The following APBB2 variants were observed in gnomAD, a reference collection of about 807,000 sequenced individuals.
APBB2 encodes amyloid beta precursor protein binding family B member 2.
A neutral mutation model predicts 82.5 loss-of-function variants in APBB2; 38 were observed. The observed-to-expected ratio is 0.46, with a 90% CI of 0.36 to 0.60. The LOEUF is 0.60. Ranked by LOEUF, APBB2 falls within the 20% of genes least tolerant of loss-of-function variation. APBB2 has a pLI of 0.00. For missense variants in APBB2, 772 were observed against 972.3 expected, an observed-to-expected ratio of 0.79 and a Z score of 2.74; for synonymous variants, 341 against 368.2, an observed-to-expected ratio of 0.93 and a Z score of 0.85.
intron 3 of APBB2, among the ~76,000 whole-genome samples, 195 bp downstream of exon 3, chr4:41,100,444 T>C (rs1323990840): frequency 1.3e-5 from 2 of 150,370 alleles, no homozygotes; most frequent in African/African-American, 4.9e-5. Context: ...ATGTAGAACA[T>C]CATCTTAATC....
chr4:41,026,487 G>C lies in APBB2; in HGVS notation c.19+6749C>G, dbSNP rs7655575. Among the ~76,000 whole-genome samples, 1,264 of 152,194 alleles carry C rather than the reference G, an allele frequency of 8.3e-3. 20 individuals carry two copies. The highest frequency in any genetic ancestry group is 0.028 in the African/African-American group (1,146 of 41,510). On this transcript the variant is annotated intron_variant, in intron 5 of 17. Coordinates refer to ENST00000508593, the MANE Select transcript of APBB2 (RefSeq NM_004307.2). ...AAATGAAATCCTGTACCCATTAACA[G>C]TCACGACCCATTCGTCCCTCCCTCC...
intron 12 of APBB2, among the ~76,000 whole-genome samples, chr4:40,879,189 G>GGCTCAGGCCTGTAATC (rs1421732696): frequency 8.5e-6 from 1 of 118,116 alleles, no homozygotes; most frequent in Non-Finnish European, 2.1e-5. Context: ...AGAGCAGTGT[G>GGCTCAGGCCTGTAATC]CAGGAGGAGA....
chr4:41,156,006 TAAC>T (rs10586522), intron 1 of APBB2, among the ~76,000 whole-genome samples: 37,907 of 151,798 alleles, frequency 0.25, 5,124 homozygotes, highest in African/African-American at 0.36. Flanking sequence ...ACAAGTATTA[TAAC>T]AACATTTGTT....
At chr4:41,141,316 G>T (rs1759088118) in intron 2 of APBB2, among the ~76,000 whole-genome samples, 1 of 31,008 alleles carries the variant, frequency 3.2e-5, no homozygotes, top group Non-Finnish European at 7.7e-5. Context: ...GTGTGTGTCT[G>T]TGTGTGTGTG....
At chr4:40,929,490 G>T (rs1004103832) in intron 10 of APBB2, among the ~76,000 whole-genome samples, 41 of 152,220 alleles carry the variant, frequency 2.7e-4, no homozygotes, top group African/African-American at 9.9e-4. Flanking sequence ...TAGTAGAGAT[G>T]GGGTTTCACC....
In APBB2 at chr4:40,932,278, A is replaced by C. The variant is rs114696730; in HGVS notation, c.1254+2178T>G. On this transcript the variant is annotated intron_variant, in intron 10 of 17. Transcript: ENST00000508593. ...TCAAGTAGCAAAGCAAATTGTTCAC[A>C]ACCTGCGTTCCTTACCATAAAATTT... Among the ~76,000 whole-genome samples, 1,175 of 152,364 alleles carry C rather than the reference A, an allele frequency of 7.7e-3. 7 individuals carry two copies. The highest frequency in any genetic ancestry group is 0.013 in the Non-Finnish European group (875 of 68,038).
At chr4:41,097,163 TATTG>T (rs940227314) in intron 3 of APBB2, among the ~76,000 whole-genome samples, 1 of 152,204 alleles carries the variant, frequency 6.6e-6, no homozygotes, top group Non-Finnish European at 1.5e-5. Context: ...GGCACAGAAA[TATTG>T]ATTAAGACAG....
intron 3 of APBB2, among the ~76,000 whole-genome samples, chr4:41,098,018 CT>C (rs1467730272): frequency 4.0e-5 from 6 of 151,726 alleles, no homozygotes; most frequent in Non-Finnish European, 8.8e-5. Context: ...CCCCCCTCCC[CT>C]CCCGTCCCCT....
rs138761247 is a variant in APBB2, at chr4:40,925,643, TA to T, written c.1254+8812del. 7.2e-3 allele frequency among the ~76,000 whole-genome samples: 1,103 copies of T among 152,294 alleles called. 16 individuals are homozygous for T. Among genetic ancestry groups the T allele is most frequent in the African/African-American group, 0.025 (1,035 of 41,562 alleles). ...CTGAAAGAAACCTGTACCACGTGAA[TA>T]AAAATCAATTATAAGAACTACATGC... On this transcript the variant is annotated intron_variant, in intron 10 of 17. Coordinates refer to ENST00000508593, the MANE Select transcript of APBB2 (RefSeq NM_004307.2).
intron 5 of APBB2, among the ~76,000 whole-genome samples, chr4:41,018,901 T>TACCTCACA (rs1810727650): frequency 6.6e-6 from 1 of 152,104 alleles, no homozygotes; most frequent in Non-Finnish European, 1.5e-5. Context: ...GAGGACAAGG[T>TACCTCACA]AGTCACAAGA....
At chr4:41,029,215 T>C (rs76376544) in intron 5 of APBB2, among the ~76,000 whole-genome samples, 6,954 of 152,208 alleles carry the variant, frequency 0.046, 330 homozygotes, top group African/African-American at 0.12. Flanking sequence ...TTGAACTAGA[T>C]TACAAAATAT....
intron 12 of APBB2, among the ~76,000 whole-genome samples, chr4:40,858,769 C>T (rs1447415564): frequency 2.0e-5 from 3 of 152,178 alleles, no homozygotes. Context: ...TTCTAGTTAA[C>T]AGTTGTCTTT....
intron 11 of APBB2, chr4:40,890,712 T>C (rs1347563603): frequency 2.1e-6 from 1 of 481,850 alleles, no homozygotes; most frequent in Non-Finnish European, 3.6e-6. Context: ...TCCTCTGAAA[T>C]GTGTCCCCAT....
Position 41,010,628 on chromosome 4 carries a change from C to T in APBB2, c.835+2955G>A, listed in dbSNP as rs533569636. ...CCTACTGACACCAGCACTCAATAAG[C>T]CAAGGGGCTATGGACAGAAATACCT... On this transcript the variant is annotated intron_variant, in intron 6 of 17. Coordinates refer to ENST00000508593, the MANE Select transcript of APBB2 (RefSeq NM_004307.2). Among the ~76,000 whole-genome samples the T allele has an allele frequency of 1.4e-3, 220 of 152,188 alleles. 9 individuals carry two copies. The South Asian group carries it at 0.044, about 31-fold the overall frequency.
intron 7 of APBB2, among the ~76,000 whole-genome samples, chr4:40,937,336 G>C (rs1003396198): frequency 6.6e-6 from 1 of 152,182 alleles, no homozygotes; most frequent in Admixed American, 6.5e-5. Flanking sequence ...CAAGTACTCA[G>C]AAAAGTCTTC....
At chr4:41,073,056 C>T (rs1256900172) in intron 3 of APBB2, among the ~76,000 whole-genome samples, 1 of 152,136 alleles carries the variant, frequency 6.6e-6, no homozygotes, top group African/African-American at 2.4e-5. Context: ...GTACATAACC[C>T]CCTACAACAC....
In APBB2 at chr4:40,930,442, TGTGTGTGCGC is replaced by T. The variant is rs1320222270; in HGVS notation, c.1254+4004_1254+4013del. ...GGAAGTGTGTGTGTGTGTGTGTGTGTGTGTGTGCGCGCGCGCGCGCGCGCGTGCGCGTGCG... is the reference window on the plus strand; with the variant it reads ...GGAAGTGTGTGTGTGTGTGTGTGTGTGCGCGCGCGCGCGCGTGCGCGTGCG... On this transcript the variant is annotated intron_variant, in intron 10 of 17. Transcript: ENST00000508593. Among the ~76,000 whole-genome samples the T allele has an allele frequency of 7.4e-3, 544 of 73,766 alleles. 3 individuals are homozygous for T. The highest frequency in any genetic ancestry group is 0.019 in the African/African-American group (389 of 20,710). The allele number at this position is 73,766 out of a possible 152,430, so 48.4% of individuals were successfully genotyped here.
intron 5 of APBB2, among the ~76,000 whole-genome samples, chr4:41,022,706 G>T (rs999687681): frequency 1.3e-5 from 2 of 152,202 alleles, no homozygotes; most frequent in African/African-American, 4.8e-5. Context: ...CACAGAGTAG[G>T]CACTCATAAA....
At chr4:41,164,179 A>G (rs552082277) in intron 1 of APBB2, among the ~76,000 whole-genome samples, 2 of 152,354 alleles carry the variant, frequency 1.3e-5, no homozygotes, top group Admixed American at 6.5e-5. Context: ...TATTTTTAAT[A>G]ATTTTGTGCA....
Sources: allele counts gnomAD v4.1 joint callset (sites outside exome capture counted in the v4.1 genomes callset), GRCh38; gene constraint gnomAD v4.1.1; transcripts MANE v1.5; gene names NCBI Gene and HGNC (gene_info 2026-07-23, HGNC 2026-07-21).